DLG2: variants seen among roughly 807,000 people sequenced by gnomAD.
The protein encoded by DLG2 is disks large homolog 2.
A neutral mutation model predicts 132.5 loss-of-function variants in DLG2; 45 were observed. The observed-to-expected ratio is 0.34, with a 90% confidence interval of 0.27 to 0.44. DLG2 has a LOEUF of 0.44. Ranked by LOEUF, DLG2 falls within the 20% of genes least tolerant of loss-of-function variation. The pLI is 1.00. For missense variants in DLG2, 1,045 were observed against 1,196.9 expected (o/e 0.87, Z 1.87); for synonymous variants, 424 against 419.6 (o/e 1.01, Z -0.13).
intron 18 of DLG2, chr11:83,651,884 C>T (rs2070605161): frequency 2.1e-6 from 1 of 470,986 alleles, no homozygotes; most frequent in Non-Finnish European, 4.4e-6. Context: ...AAGGACATGT[C>T]TTCTGGCTAG....
rs544505532 is a variant in DLG2, at chr11:84,622,148, A to G, written c.358-87417T>C. 2.0e-5 allele frequency among the ~76,000 whole-genome samples: 3 copies of G among 152,326 alleles called. No homozygotes were observed. In the South Asian group the frequency reaches 6.2e-4, roughly 32 times the overall value. On this transcript the variant is annotated intron_variant, in intron 6 of 27. Coordinates refer to ENST00000376104, the MANE Select transcript of DLG2 (RefSeq NM_001142699.3). ...CTTTGTATTTAGATTTTGCTACAAA[A>G]GCAATCTTTGGGAAACCTAGCATGA...
intron 13 of DLG2, among the ~76,000 whole-genome samples, chr11:83,963,440 T>G (rs2089383813): frequency 6.6e-6 from 1 of 151,946 alleles, no homozygotes. Context: ...CTGTGAGACT[T>G]TCTCCCAAAA....
intron 4 of DLG2, among the ~76,000 whole-genome samples, chr11:85,219,688 A>G (rs961047422): frequency 6.7e-6 from 1 of 148,618 alleles, no homozygotes; most frequent in African/African-American, 2.5e-5. Flanking sequence ...CCTTATAAAT[A>G]GTAGCCATTA....
chr11:84,791,416 G>A (rs2073827499), intron 6 of DLG2, among the ~76,000 whole-genome samples: 1 of 151,924 alleles, frequency 6.6e-6, no homozygotes, highest in Non-Finnish European at 1.5e-5. Context: ...GAATAGTTTT[G>A]GCTATTCAGG....
At chr11:85,022,188 A>T (rs1180524945) in intron 6 of DLG2, among the ~76,000 whole-genome samples, 3 of 152,020 alleles carry the variant, frequency 2.0e-5, no homozygotes, top group Non-Finnish European at 4.4e-5. Context: ...AATGAAAATA[A>T]GGTGAGTCTA....
intron 6 of DLG2, among the ~76,000 whole-genome samples, chr11:84,706,471 G>T (rs140327633): frequency 9.9e-4 from 151 of 151,850 alleles, no homozygotes; most frequent in South Asian, 1.9e-3. Flanking sequence ...GAAACATCTT[G>T]ATTGAACACA....
intron 3 of DLG2, among the ~76,000 whole-genome samples, chr11:85,447,149 A>C (rs1322508441): frequency 6.6e-6 from 1 of 152,172 alleles, no homozygotes; most frequent in Non-Finnish European, 1.5e-5. Context: ...TACAATTTTC[A>C]CTTTAAGTCT....
chr11:85,542,136 CTT>C (rs2076012393), intron 3 of DLG2, among the ~76,000 whole-genome samples: 1 of 152,174 alleles, frequency 6.6e-6, no homozygotes, highest in Non-Finnish European at 1.5e-5. Context: ...AGCAGTAGCA[CTT>C]TTTGTCCTGC....
intron 2 of DLG2, among the ~76,000 whole-genome samples, chr11:85,617,344 A>G (rs1481372326): frequency 6.6e-6 from 1 of 152,246 alleles, no homozygotes; most frequent in Non-Finnish European, 1.5e-5. Context: ...TTGTCTGGTA[A>G]ACTTCTATTC....
intron 6 of DLG2, among the ~76,000 whole-genome samples, chr11:84,539,203 G>C (rs2099362281): frequency 6.6e-6 from 1 of 152,056 alleles, no homozygotes; most frequent in Non-Finnish European, 1.5e-5. Context: ...ATTTTTCTAA[G>C]CTTACATACC....
intron 6 of DLG2, among the ~76,000 whole-genome samples, chr11:84,832,212 C>G (rs2079133648): frequency 6.6e-6 from 1 of 151,520 alleles, no homozygotes; most frequent in Non-Finnish European, 1.5e-5. Flanking sequence ...AGGAAGAAAT[C>G]AAATGAAATA....
intron 6 of DLG2, among the ~76,000 whole-genome samples, chr11:84,642,050 G>A (rs1386868109): frequency 1.4e-5 from 2 of 141,928 alleles, no homozygotes; most frequent in African/African-American, 5.7e-5. Context: ...ACGTATATAT[G>A]TATATATACG....
At chr11:84,153,630 T>G (rs896808161) in intron 9 of DLG2, among the ~76,000 whole-genome samples, 5 of 152,224 alleles carry the variant, frequency 3.3e-5, no homozygotes, top group African/African-American at 1.2e-4. Context: ...CTTGGTCTAT[T>G]ACATTGCTAA....
At chr11:85,071,508 C>A (rs1378001521) in intron 6 of DLG2, among the ~76,000 whole-genome samples, 1 of 151,796 alleles carries the variant, frequency 6.6e-6, no homozygotes, top group Non-Finnish European at 1.5e-5. Context: ...ATATGATAGG[C>A]ATCTCAAGAA....
intron 9 of DLG2, among the ~76,000 whole-genome samples, chr11:84,109,657 T>A (rs2093220889): frequency 6.6e-6 from 1 of 152,198 alleles, no homozygotes; most frequent in African/African-American, 2.4e-5. Context: ...GCTCCCAACA[T>A]AGTTTCTTAA....
chr11:83,645,641 C>T (rs1445832530), intron 18 of DLG2: 2 of 151,904 alleles, frequency 1.3e-5, no homozygotes, highest in African/African-American at 4.8e-5. Flanking sequence ...AGAAAAAATC[C>T]CAAGCAAGCT....
intron 5 of DLG2, among the ~76,000 whole-genome samples, chr11:85,143,467 C>T (rs1300261467): frequency 6.6e-6 from 1 of 151,334 alleles, no homozygotes; most frequent in Non-Finnish European, 1.5e-5. Flanking sequence ...TGTTGATTTA[C>T]TAATTTTTGC....
chr11:85,400,461 T>C (rs1351041650), intron 3 of DLG2, among the ~76,000 whole-genome samples: 1 of 148,886 alleles, frequency 6.7e-6, no homozygotes, highest in Non-Finnish European at 1.5e-5. Context: ...TAAATCATGC[T>C]GCTATAAAGA....
At chr11:84,044,728 C>A (rs2096200447) in intron 11 of DLG2, among the ~76,000 whole-genome samples, 1 of 151,580 alleles carries the variant, frequency 6.6e-6, no homozygotes, top group Admixed American at 6.6e-5. Context: ...CTCACTTTAC[C>A]CCCTTTAGAC....
Sources: allele counts gnomAD v4.1 joint callset (sites outside exome capture counted in the v4.1 genomes callset), GRCh38; gene constraint gnomAD v4.1.1; transcripts MANE v1.5; gene names NCBI Gene and HGNC (gene_info 2026-07-23, HGNC 2026-07-21).